Variants in CENPE observed in about 807,000 individuals in gnomAD.
CENPE encodes centromere-associated protein E.
A neutral mutation model predicts 336.1 loss-of-function variants in CENPE; 145 were observed. The ratio of observed to expected loss-of-function variants is 0.43; its 90% confidence interval spans 0.38 to 0.50. CENPE has a LOEUF of 0.50. CENPE is among the 20% of genes least tolerant of loss of function. CENPE has a pLI of 0.00. For missense variants in CENPE, 2,719 were observed against 3,023.3 expected, an observed-to-expected ratio of 0.90 and a Z score of 2.36; for synonymous variants, 1,013 against 984.8, an observed-to-expected ratio of 1.03 and a Z score of -0.54.
chr4:103,121,537 TTTTC>T (rs756770107), intron 43 of CENPE, among the ~76,000 whole-genome samples: 78 of 151,282 alleles, frequency 5.2e-4, no homozygotes, highest in African/African-American at 1.1e-3. Flanking sequence ...GCAAACCATC[TTTTC>T]TTTCTTTCTT....
At position 103,139,961 on chromosome 4, in the gene CENPE, A is replaced by G; in HGVS notation, c.6032T>C (p.Leu2011Ser). ...QLKKQFEAQN[L>S]SMQSVRMDNF... is the part of the protein sequence containing the mutation. Reference sequence around the variant, plus strand: ...ATCCATTCTCACACTTTGCATAGATAAGTTTTGGGCCTCAAATTGCTTCTT... The same window carrying G: ...ATCCATTCTCACACTTTGCATAGATGAGTTTTGGGCCTCAAATTGCTTCTT... The change falls in exon 38 of 49, where the codon TTA becomes TCA. Residue 2011 changes from leucine to serine, a missense_variant. Coordinates refer to ENST00000265148, the MANE Select transcript of CENPE (RefSeq NM_001813.3). The G allele has an allele frequency of 6.2e-7, 1 of 1,613,408 alleles. No individual in the cohort carries two copies. The highest frequency in any genetic ancestry group is 8.5e-7 in the Non-Finnish European group (1 of 1,179,644).
In CENPE at chr4:103,180,368, T is replaced by G; in HGVS notation, c.1185A>C (p.Glu395Asp). 1 of 1,613,400 alleles carries G rather than the reference T, an allele frequency of 6.2e-7. No individual in the cohort carries two copies. The highest frequency in any genetic ancestry group is 8.5e-7 in the Non-Finnish European group (1 of 1,179,546). ...LLQKVQNEKI[E>D]NLTRMLVTSS... ...AGGTCACCAGCATCCGTGTTAAGTT[T>G]TCAATTTTCTCATTCTGTACTTTCT... The change falls in exon 13 of 49, where the codon GAA becomes GAC. Residue 395 changes from glutamate (E) to aspartate (D), a missense_variant. Transcript: ENST00000265148.
intron 8 of CENPE, among the ~76,000 whole-genome samples, chr4:103,189,434 T>G (rs538422003): frequency 9.2e-5 from 14 of 152,168 alleles, no homozygotes; most frequent in Non-Finnish European, 1.9e-4. Flanking sequence ...ATCAAAAAGC[T>G]TATCCACCAT....
rs1292573509 is a variant in CENPE, at chr4:103,111,668, C to T, written c.7541-657G>A. ...GTCTATTTTATTTTGAATTCATCTA[C>T]ACTATGTACCTGAAAGTCATCTACA... On this transcript the variant is annotated intron_variant, in intron 46 of 48. Transcript: ENST00000265148. 4.6e-5 allele frequency among the ~76,000 whole-genome samples: 7 copies of T among 151,966 alleles called. 1 individual carries two copies. In the East Asian group the frequency reaches 1.4e-3, roughly 29 times the overall value.
At chr4:103,185,924 C>T in intron 8 of CENPE, 63 bp from the exon 9 acceptor site, 1 of 1,110,126 alleles carries the variant, frequency 9.0e-7, no homozygotes, top group Non-Finnish European at 1.4e-6. Flanking sequence ...ATTCAAACTA[C>T]TGAAAGAACA....
Position 103,181,397 on chromosome 4 carries a change from A to C in CENPE, c.1023T>G (p.Asp341Glu). Residue 341 changes from aspartate (D) to glutamate (E), a missense_variant, in exon 12 of 49, where the codon GAT becomes GAG. Asp to Glu is a conservative substitution (Grantham distance 45, BLOSUM62 2). Transcript: ENST00000265148. Reference sequence around the variant, plus strand: ...TTCTATACCTTTTCAGGAGAGCTTCATCAGTTGATACCTCATTAACATAAG... The same window carrying C: ...TTCTATACCTTTTCAGGAGAGCTTCCTCAGTTGATACCTCATTAACATAAG... ...NTPYVNEVST[D>E]EALLKRYRKE... 1 of 1,569,284 alleles carries C rather than the reference A, an allele frequency of 6.4e-7. No homozygotes were observed. Among genetic ancestry groups the C allele is most frequent in the African/African-American group, 1.4e-5 (1 of 72,814 alleles).
chr4:103,172,890 T>C (rs1755529477), intron 16 of CENPE, among the ~76,000 whole-genome samples: 1 of 152,026 alleles, frequency 6.6e-6, no homozygotes, highest in Admixed American at 6.6e-5. Flanking sequence ...AAGATATGCA[T>C]GTTCATGGAT....
At position 103,198,142 on chromosome 4, in the gene CENPE, C is replaced by A. The variant is rs1757880487; in HGVS notation, c.56+122G>T. On this transcript the variant is annotated intron_variant, in intron 1 of 48. Coordinates refer to ENST00000265148, the MANE Select transcript of CENPE (RefSeq NM_001813.3). ...AGACCCTGAAACGATGGCCAGCAGC[C>A]GAGTCACTAGACAGCAGAGCCGGGA... The A allele has an allele frequency of 1.2e-5, 11 of 884,384 alleles. No homozygotes were observed. The South Asian group carries it at 1.6e-4, about 13-fold the overall frequency. 54.8% of individuals were successfully genotyped at this position (884,384 alleles called of 1,614,324 possible). A position where few individuals can be genotyped will look rare whatever the true frequency, so the allele number is the denominator to read the frequency against.
At chr4:103,135,401 T>G (rs894080727) in intron 40 of CENPE, among the ~76,000 whole-genome samples, 2 of 152,202 alleles carry the variant, frequency 1.3e-5, no homozygotes, top group Non-Finnish European at 2.9e-5. Context: ...TTTTTATTTT[T>G]GAATCTCAGT....
intron 26 of CENPE, among the ~76,000 whole-genome samples, chr4:103,149,659 G>C (rs778611480): frequency 2.0e-5 from 3 of 152,200 alleles, no homozygotes; most frequent in Non-Finnish European, 4.4e-5. Flanking sequence ...GATTAGGATT[G>C]AGACGTGATC....
chr4:103,166,609 T>C (rs1754942030), intron 16 of CENPE, among the ~76,000 whole-genome samples: 1 of 152,226 alleles, frequency 6.6e-6, no homozygotes, highest in African/African-American at 2.4e-5. Context: ...TCTTTTTTCC[T>C]TTAAAAATGA....
intron 8 of CENPE, among the ~76,000 whole-genome samples, chr4:103,189,425 T>C (rs933508450): frequency 1.5e-4 from 23 of 152,146 alleles, no homozygotes; most frequent in Admixed American, 3.3e-4. Context: ...CAGCAGCACA[T>C]CAAAAAGCTT....
chr4:103,183,545 GA>G (rs997106140), intron 9 of CENPE, among the ~76,000 whole-genome samples: 3 of 151,554 alleles, frequency 2.0e-5, no homozygotes, highest in Admixed American at 6.6e-5. Flanking sequence ...AGAATGCAGG[GA>G]AAAAAAACCT....
intron 43 of CENPE, 35 bp downstream of exon 43, chr4:103,122,836 G>T: frequency 6.7e-7 from 1 of 1,498,658 alleles, no homozygotes; most frequent in Non-Finnish European, 9.3e-7. Flanking sequence ...TGATGAAGCT[G>T]CAAACTGAAG....
At chr4:103,173,718 A>G (rs944365131) in intron 16 of CENPE, among the ~76,000 whole-genome samples, 2 of 141,224 alleles carry the variant, frequency 1.4e-5, no homozygotes, top group African/African-American at 5.0e-5. Flanking sequence ...CAATTAAAAT[A>G]TAGGCAGAAG....
chr4:103,132,124 C>T (rs1345742944), intron 42 of CENPE, among the ~76,000 whole-genome samples: 1 of 152,108 alleles, frequency 6.6e-6, no homozygotes, highest in Non-Finnish European at 1.5e-5. Flanking sequence ...AATGATGTAT[C>T]AATGTAGGTT....
chr4:103,149,498 A>G, intron 26 of CENPE, 90 bp from the exon 27 acceptor site: 2 of 1,102,226 alleles, frequency 1.8e-6, no homozygotes, highest in Non-Finnish European at 1.3e-6. Flanking sequence ...TCCTATCAGC[A>G]TATAAATAGG....
At chr4:103,149,043 A>G in intron 27 of CENPE, 44 bp from the exon 28 acceptor site, 1 of 1,596,238 alleles carries the variant, frequency 6.3e-7, no homozygotes, top group Non-Finnish European at 8.5e-7. Context: ...TTCTTCCAAC[A>G]TTGCTCCCCT....
chr4:103,116,529 AG>A (rs773193902), intron 45 of CENPE, 47 bp downstream of exon 45: 4 of 892,246 alleles, frequency 4.5e-6, no homozygotes, highest in Non-Finnish European at 6.9e-6. Context: ...TAGTTTAGGA[AG>A]AAAATTTAAG....
Sources: allele counts gnomAD v4.1 joint callset (sites outside exome capture counted in the v4.1 genomes callset), GRCh38; gene constraint gnomAD v4.1.1; transcripts MANE v1.5; gene names NCBI Gene and HGNC (gene_info 2026-07-23, HGNC 2026-07-21).